HOMER2: variants seen among roughly 807,000 people sequenced by gnomAD.
The protein encoded by HOMER2 is homer scaffold protein 2.
A neutral mutation model predicts 47.0 loss-of-function variants in HOMER2; 27 were observed. That is an observed-to-expected ratio of 0.57 (90% CI 0.42 to 0.79). The LOEUF is 0.79. Ranked by LOEUF, HOMER2 falls within the 30% of genes least tolerant of loss-of-function variation. The probability of loss-of-function intolerance (pLI) is 0.00; values close to 1 mark genes in which losing one functional copy is unlikely to be tolerated. For synonymous variants in HOMER2, 161 were observed against 163.8 expected (o/e 0.98, Z 0.13); for missense variants, 443 against 435.0 (o/e 1.02, Z -0.16).
At chr15:82,855,325 C>CA (rs1162254209) in intron 5 of HOMER2, among the ~76,000 whole-genome samples, 18,206 of 61,228 alleles carry the variant, frequency 0.3, 3,192 homozygotes, top group African/African-American at 0.39. Context: ...ACTCCATCTC[C>CA]AAAAAAAAAA....
At chr15:82,916,886 C>T (rs2053604676) in intron 1 of HOMER2, among the ~76,000 whole-genome samples, 1 of 151,656 alleles carries the variant, frequency 6.6e-6, no homozygotes, top group Non-Finnish European at 1.5e-5. Flanking sequence ...ACTGCAACCT[C>T]CACCCCCTGG....
chr15:82,881,322 C>T (rs1033568252), intron 2 of HOMER2, among the ~76,000 whole-genome samples: 3 of 152,172 alleles, frequency 2.0e-5, no homozygotes, highest in Non-Finnish European at 2.9e-5. Flanking sequence ...GAGGAAGCTG[C>T]TCATGAAACA....
intron 1 of HOMER2, among the ~76,000 whole-genome samples, chr15:82,930,894 C>T (rs1357090652): frequency 6.6e-6 from 1 of 151,610 alleles, no homozygotes; most frequent in East Asian, 1.9e-4. Flanking sequence ...GGTGTGGTGG[C>T]GGGCACCTGT....
chr15:82,926,611 C>T lies in HOMER2; in HGVS notation c.5+25920G>A, dbSNP rs1484264374. 3.3e-5 allele frequency: 5 copies of T among 152,216 alleles called. No individual in the cohort carries two copies. The East Asian group carries it at 9.6e-4, about 29-fold the overall frequency. 9.4% of individuals were successfully genotyped at this position (152,216 alleles called of 1,614,324 possible). ...GCTGAGGCAGGAGAATCACTTGAGC[C>T]CAGAAGGTGGAGGTTGCAGTGAGCT... On this transcript the variant is annotated intron_variant, in intron 1 of 8. Coordinates refer to ENST00000450735, the MANE Select transcript of HOMER2 (RefSeq NM_004839.4).
downstream of HOMER2, among the ~76,000 whole-genome samples, chr15:82,848,246 C>T (rs548861870): frequency 6.6e-6 from 1 of 152,296 alleles, no homozygotes; most frequent in South Asian, 2.1e-4. Context: ...GGGTTGTTTG[C>T]TCATTAATCC....
Position 82,863,887 on chromosome 15 carries a change from G to A in HOMER2, c.387+280C>T, listed in dbSNP as rs545615872. Among the ~76,000 whole-genome samples the A allele has an allele frequency of 1.1e-4, 16 of 152,242 alleles. No homozygotes were observed. The South Asian group carries it at 1.9e-3, about 18-fold the overall frequency. On this transcript the variant is annotated intron_variant, in intron 4 of 8. Coordinates refer to ENST00000450735, the MANE Select transcript of HOMER2 (RefSeq NM_004839.4). ...GCACAGCCAGGAGACATGCTGCCTC[G>A]CCTCTGGCATTTAAACACAGTGACC...
rs1314365015 is a variant in HOMER2, at chr15:82,892,706, G to T, written c.141C>A (p.Ile47=). The change falls in exon 2 of 9, where the codon ATC becomes ATA. Residue 47 remains isoleucine, a synonymous_variant. Transcript: ENST00000450735. ...GTACCTTGGCTCCGTCCACACTGAT[G>T]ATCCGATAGCTGTTCCTTGTGACAT... ...FYDVTRNSYR[I]ISVDGAKVII... 6.3e-7 allele frequency: 1 copy of T among 1,591,310 alleles called. No individual in the cohort carries two copies. The highest frequency in any genetic ancestry group is 1.1e-5 in the South Asian group (1 of 88,282).
At chr15:82,963,937 A>T (rs889440360) in intron 1 of HOMER2, among the ~76,000 whole-genome samples, 1 of 152,178 alleles carries the variant, frequency 6.6e-6, no homozygotes, top group Non-Finnish European at 1.5e-5. Flanking sequence ...TGGCAGCCCC[A>T]TGCCCTGGCT....
chr15:82,896,815 C>G (rs776006589), intron 1 of HOMER2, among the ~76,000 whole-genome samples: 1 of 152,286 alleles, frequency 6.6e-6, no homozygotes, highest in Non-Finnish European at 1.5e-5. Flanking sequence ...GAGTTCCATG[C>G]TATTCTTCTA....
intron 1 of HOMER2, among the ~76,000 whole-genome samples, chr15:82,967,971 A>G (rs1055826075): frequency 6.6e-6 from 1 of 152,244 alleles, no homozygotes; most frequent in Non-Finnish European, 1.5e-5. Context: ...TGTAAATATA[A>G]TAGGTATTTT....
At chr15:82,963,817 C>G (rs2054650942) in intron 1 of HOMER2, among the ~76,000 whole-genome samples, 1 of 152,124 alleles carries the variant, frequency 6.6e-6, no homozygotes, top group Admixed American at 6.5e-5. Flanking sequence ...CCTCAAAACT[C>G]CCATGGGCCT....
chr15:82,952,501 G>A (rs1396253835), intron 1 of HOMER2, 30 bp downstream of exon 1: 2 of 1,186,814 alleles, frequency 1.7e-6, no homozygotes, highest in Non-Finnish European at 2.1e-6. Flanking sequence ...GGAGGGGCGC[G>A]CGGAGAGCGC....
intron 1 of HOMER2, among the ~76,000 whole-genome samples, chr15:82,967,152 C>T (rs1443742404): frequency 1.3e-5 from 2 of 151,950 alleles, no homozygotes; most frequent in African/African-American, 2.4e-5. Context: ...GAGGCTGAGG[C>T]AGGAGGATCA....
At chr15:82,841,039 T>C (rs2051171299) in exon 2 of HOMER2, 1 of 152,138 alleles carries the variant, frequency 6.6e-6, no homozygotes, top group African/African-American at 2.4e-5. Flanking sequence ...TATTTAGGTA[T>C]GAAAAATTCC....
At chr15:82,962,676 CA>C (rs981052797) in intron 1 of HOMER2, among the ~76,000 whole-genome samples, 6 of 147,524 alleles carry the variant, frequency 4.1e-5, no homozygotes, top group South Asian at 2.1e-4. Context: ...GACTCTGTCT[CA>C]AAAAAAAAAG....
chr15:82,928,940 T>TAAAAAAAAAAAAAAAACA (rs2053927303), intron 1 of HOMER2, among the ~76,000 whole-genome samples: 2 of 39,942 alleles, frequency 5.0e-5, no homozygotes, highest in Non-Finnish European at 8.0e-5. Flanking sequence ...AAATAAAAAC[T>TAAAAAAAAAAAAAAAACA]AAAAAAAAAA....
chr15:82,932,101 T>C (rs954189203), intron 1 of HOMER2, among the ~76,000 whole-genome samples: 16 of 152,212 alleles, frequency 1.1e-4, no homozygotes, highest in Admixed American at 1.0e-3. Flanking sequence ...AGCACTCTTC[T>C]CACCCAACTC....
At chr15:82,983,579 ATTTC>A (rs368776109) in intron 1 of HOMER2, among the ~76,000 whole-genome samples, 4 of 150,836 alleles carry the variant, frequency 2.7e-5, no homozygotes, top group African/African-American at 9.8e-5. Context: ...GCCTTTCCTG[ATTTC>A]TTTCTTTTCT....
At chr15:82,868,052 T>C (rs958651165) in intron 3 of HOMER2, among the ~76,000 whole-genome samples, 3 of 152,146 alleles carry the variant, frequency 2.0e-5, no homozygotes, top group African/African-American at 4.8e-5. Flanking sequence ...AAAAAATATA[T>C]ATATATGCTT....
Sources: gnomAD v4.1 joint callset for allele counts (sites outside exome capture counted in the v4.1 genomes callset) on GRCh38, gnomAD v4.1.1 for gene constraint, MANE v1.5 for transcripts, NCBI Gene and HGNC (gene_info 2026-07-23, HGNC 2026-07-21) for gene names.